CATSPERD: variants seen among roughly 807,000 people sequenced by gnomAD.
The protein encoded by CATSPERD is catsper channel auxiliary subunit delta.
Under a neutral mutation model 98.1 loss-of-function variants are expected in CATSPERD, and 86 were observed. That is an observed-to-expected ratio of 0.88 (90% CI 0.74 to 1.05). The LOEUF (loss-of-function observed/expected upper bound fraction) is 1.05, where lower values mean the gene tolerates loss of function less well. Ranked by LOEUF, CATSPERD falls within the 50% of genes least tolerant of loss-of-function variation. The pLI, the probability that CATSPERD is intolerant of heterozygous loss-of-function variation, is 0.00. For synonymous variants in CATSPERD, 394 were observed against 390.2 expected, an observed-to-expected ratio of 1.01 and a Z score of -0.12; for missense variants, 995 against 1,005.7, an observed-to-expected ratio of 0.99 and a Z score of 0.14.
chr19:5,722,519 T>C (rs1164990468), intron 1 of CATSPERD, among the ~76,000 whole-genome samples: 2 of 152,290 alleles, frequency 1.3e-5, no homozygotes, highest in Admixed American at 6.5e-5. Flanking sequence ...CATTTTCCAG[T>C]GAAATTTACT....
chr19:5,751,197 C>CAAAAAAAAAAAAAAAAAAAAAAA (rs556079596), intron 11 of CATSPERD, among the ~76,000 whole-genome samples: 1 of 46,600 alleles, frequency 2.1e-5, no homozygotes, highest in African/African-American at 7.6e-5. Flanking sequence ...GATTCCGTCT[C>CAAAAAAAAAAAAAAAAAAAAAAA]AAAAAAAAAA....
intron 12 of CATSPERD, chr19:5,753,706 T>TAAA: frequency 1.8e-5 from 4 of 222,728 alleles, no homozygotes; most frequent in South Asian, 4.7e-5. Flanking sequence ...TTGTCTCTAT[T>TAAA]AAAAAAAAAA....
At chr19:5,723,893 C>T (rs2055552223) in intron 1 of CATSPERD, among the ~76,000 whole-genome samples, 1 of 152,036 alleles carries the variant, frequency 6.6e-6, no homozygotes, top group Admixed American at 6.6e-5. Flanking sequence ...TCTCCTGCCT[C>T]AGCCTCCTGA....
chr19:5,768,612 A>G (rs2145851856), intron 18 of CATSPERD, among the ~76,000 whole-genome samples: 1 of 151,962 alleles, frequency 6.6e-6, no homozygotes, highest in East Asian at 2.0e-4. Flanking sequence ...CTGGGATTAC[A>G]GGCATGAGCC....
rs145843881 is a variant in CATSPERD, at chr19:5,738,093, G to A, written c.459+888G>A. 4.3e-3 allele frequency among the ~76,000 whole-genome samples: 657 copies of A among 152,006 alleles called. 7 individuals are homozygous for A. The highest frequency in any genetic ancestry group is 0.015 in the African/African-American group (611 of 41,492). On this transcript the variant is annotated intron_variant, in intron 6 of 21. Coordinates refer to ENST00000381624, the MANE Select transcript of CATSPERD (RefSeq NM_152784.4). Reference sequence around the variant, plus strand: ...CACCCCACACAGTTGAAAATCCACAGGTAACTTTCGACTTCCCCAAAACTT... The same window carrying A: ...CACCCCACACAGTTGAAAATCCACAAGTAACTTTCGACTTCCCCAAAACTT...
intron 9 of CATSPERD, among the ~76,000 whole-genome samples, chr19:5,746,637 G>C (rs1173261144): frequency 6.6e-6 from 1 of 151,748 alleles, no homozygotes; most frequent in Non-Finnish European, 1.5e-5. Flanking sequence ...GTTTCACCGT[G>C]TTAGCCAGGA....
At chr19:5,750,470 A>AG (rs2056190586) in intron 11 of CATSPERD, among the ~76,000 whole-genome samples, 1 of 149,592 alleles carries the variant, frequency 6.7e-6, no homozygotes, top group African/African-American at 2.5e-5. Context: ...AAAAAAAAAA[A>AG]AAAGGAATTA....
chr19:5,728,697 C>T (rs901289795), intron 3 of CATSPERD, among the ~76,000 whole-genome samples: 1 of 138,694 alleles, frequency 7.2e-6, no homozygotes, highest in Non-Finnish European at 1.6e-5. Context: ...ATCTCTCTCT[C>T]TCTCTCTCTT....
chr19:5,768,222 T>A lies in CATSPERD; in HGVS notation c.1614T>A (p.Asn538Lys). The change falls in exon 18 of 22, where the codon AAT becomes AAA. Residue 538 changes from asparagine to lysine, a missense_variant. This residue lies in a region of CATSPERD where 762 missense variants were observed against 773.7 expected (regional missense o/e 0.98). Transcript: ENST00000381624. ...GILDPLTLQD[N>K]YSFIIEKEFY... The stretch of plus-strand genomic sequence containing the variant: ...TGGACCCCTTGACCCTGCAAGACAA[T>A]TACAGCTTCATCATCGAGAAGTAAG... The A allele has an allele frequency of 6.2e-7, 1 of 1,613,444 alleles. No homozygotes were observed. Among genetic ancestry groups the A allele is most frequent in the Non-Finnish European group, 8.5e-7 (1 of 1,179,564 alleles).
intron 11 of CATSPERD, among the ~76,000 whole-genome samples, chr19:5,750,416 A>C (rs2056188156): frequency 1.6e-5 from 2 of 125,794 alleles, no homozygotes; most frequent in Non-Finnish European, 3.1e-5. Flanking sequence ...AAGCCACTGC[A>C]CTCTAGCCTG....
rs552509253 is a variant in CATSPERD at position 5,771,052 on chromosome 19, A to G, written c.1743A>G (p.Leu581=). 1.9e-6 allele frequency: 3 copies of G among 1,613,600 alleles called. No homozygotes were observed. The highest frequency in any genetic ancestry group is 2.7e-5 in the African/African-American group (2 of 74,860). Residue 581 remains leucine (L), a synonymous_variant, in exon 19 of 22, where the codon CTA becomes CTG. Coordinates refer to ENST00000381624, the MANE Select transcript of CATSPERD (RefSeq NM_152784.4). ...GCPLLVYYDT[L]WKPVVELWRK... is the part of the protein sequence containing the mutation. ...CTCTCCTCGTCTACTATGACACCCT[A>G]TGGAAGCCCGTGGTGGAGCTGTAAG...
chr19:5,775,209 C>T (rs1358071863), intron 20 of CATSPERD: 8 of 469,772 alleles, frequency 1.7e-5, no homozygotes, highest in East Asian at 7.0e-5. Flanking sequence ...GAAGGGGGAA[C>T]GAATGTAGAA....
chr19:5,762,059 T>TATATA (rs1491269022), intron 15 of CATSPERD, among the ~76,000 whole-genome samples: 1 of 18,628 alleles, frequency 5.4e-5, no homozygotes, highest in Non-Finnish European at 1.1e-4. Context: ...TATATATATA[T>TATATA]TTTTTTTTTT....
At position 5,770,985 on chromosome 19, in the gene CATSPERD, A is replaced by C. The variant is rs753728851; in HGVS notation, c.1676A>C (p.Glu559Ala). The part of the protein sequence containing the change: ...DPGFQGQQSS[E>A]DLHVFYSYQQ... ...GGCTTCCAGGGGCAGCAGTCCTCCG[A>C]GGACCTGCACGTGTTTTACTCCTAC... Residue 559 changes from glutamate to alanine, a missense_variant, in exon 19 of 22, where the codon GAG (glutamate) becomes GCG (alanine). Physicochemically the swap from Glu to Ala is moderately radical, Grantham distance 107. Around this residue, in one of 3 missense-constraint regions of CATSPERD, gnomAD observed 762 missense variants for 773.7 expected, o/e 0.98. Coordinates refer to ENST00000381624, the MANE Select transcript of CATSPERD (RefSeq NM_152784.4). The C allele has an allele frequency of 1.2e-6, 2 of 1,613,948 alleles. No homozygotes were observed. The highest frequency in any genetic ancestry group is 2.2e-5 in the South Asian group (2 of 91,070).
chr19:5,746,163 C>A, intron 9 of CATSPERD, 100 bp downstream of exon 9: 1 of 1,273,026 alleles, frequency 7.9e-7, no homozygotes, highest in Non-Finnish European at 1.1e-6. Flanking sequence ...AACCCCTCGA[C>A]CACTCGGTTA....
At chr19:5,767,556 C>T (rs1203466323) in intron 17 of CATSPERD, among the ~76,000 whole-genome samples, 3 of 150,744 alleles carry the variant, frequency 2.0e-5, no homozygotes, top group South Asian at 2.1e-4. Flanking sequence ...GGCATGATCT[C>T]GGCTCACTAC....
intron 17 of CATSPERD, among the ~76,000 whole-genome samples, chr19:5,767,426 TC>T: frequency 6.6e-6 from 1 of 150,852 alleles, no homozygotes; most frequent in South Asian, 2.1e-4. Flanking sequence ...TTTTTTTTTT[TC>T]CATATCTGCT....
intron 19 of CATSPERD, chr19:5,772,519 G>A (rs2056668891): frequency 4.9e-6 from 2 of 407,790 alleles, no homozygotes; most frequent in East Asian, 5.3e-5. Context: ...GAGCCGCCGC[G>A]CCTAGCTCCG....
intron 15 of CATSPERD, 124 bp downstream of exon 15, chr19:5,759,268 A>G: frequency 2.2e-6 from 2 of 925,154 alleles, no homozygotes; most frequent in Admixed American, 3.6e-5. Context: ...GGCGATTACA[A>G]CACTTTACAA....
Sources: allele counts gnomAD v4.1 joint callset (sites outside exome capture counted in the v4.1 genomes callset), GRCh38; gene constraint gnomAD v4.1.1; regional missense constraint gnomAD v4.1.1; transcripts MANE v1.5; gene names NCBI Gene and HGNC (gene_info 2026-07-23, HGNC 2026-07-21).